The following WWOX variants were observed in gnomAD, a reference collection of about 807,000 sequenced individuals.
WWOX encodes the protein WW domain-containing oxidoreductase.
WWOX carries 69 observed loss-of-function variants against 46.2 expected under a neutral mutation model. The ratio of observed to expected loss-of-function variants is 1.49; its 90% CI spans 1.23 to 1.82. The LOEUF (loss-of-function observed/expected upper bound fraction) is 1.82. Among genes scored for constraint, WWOX ranks in the 40% most tolerant of loss-of-function variants. The pLI, the probability that WWOX is intolerant of heterozygous loss-of-function variation, is 0.00. For missense variants in WWOX, 919 were observed against 542.6 expected, an observed-to-expected ratio of 1.69 and a Z score of -6.89; for synonymous variants, 359 against 202.6, an observed-to-expected ratio of 1.77 and a Z score of -6.56.
chr16:78,851,962 C>T (rs1340751044), intron 8 of WWOX, among the ~76,000 whole-genome samples: 3 of 152,110 alleles, frequency 2.0e-5, no homozygotes, highest in African/African-American at 7.2e-5. Context: ...TACCTGTAAT[C>T]TTCATTCATT....
chr16:78,777,334 C>T (rs1014779030), intron 8 of WWOX, among the ~76,000 whole-genome samples: 4 of 152,300 alleles, frequency 2.6e-5, no homozygotes, highest in Admixed American at 2.6e-4. Flanking sequence ...TTGTCCAGGA[C>T]AGTGGCCCCA....
intron 8 of WWOX, among the ~76,000 whole-genome samples, chr16:78,434,621 C>CAT (rs1391683556): frequency 6.6e-6 from 1 of 152,184 alleles, no homozygotes; most frequent in African/African-American, 2.4e-5. Context: ...CTTGAGTCAT[C>CAT]TCACTTGTAT....
chr16:78,992,592 G>A (rs1567466604), intron 8 of WWOX, among the ~76,000 whole-genome samples: 1 of 152,186 alleles, frequency 6.6e-6, no homozygotes, highest in Non-Finnish European at 1.5e-5. Context: ...CTCTCAGAAT[G>A]AAAGGTTTGA....
intron 8 of WWOX, among the ~76,000 whole-genome samples, chr16:79,153,309 G>A (rs1269190138): frequency 6.6e-6 from 1 of 152,052 alleles, no homozygotes; most frequent in East Asian, 1.9e-4. Flanking sequence ...AATTTTTCTG[G>A]AGGGTCTAGA....
At chr16:78,943,139 G>A (rs977808179) in intron 8 of WWOX, among the ~76,000 whole-genome samples, 2 of 152,152 alleles carry the variant, frequency 1.3e-5, no homozygotes, top group African/African-American at 4.8e-5. Context: ...GCAACACATG[G>A]TGGGTTCTTA....
rs384216 is a variant in WWOX at position 79,211,568 on chromosome 16, T to C, written c.1057-40T>C. 886,189 of 1,613,032 alleles carry C rather than the reference T, an allele frequency of 0.55. 253,623 individuals carry two copies. The highest frequency in any genetic ancestry group is 0.6 in the Non-Finnish European group (708,519 of 1,179,486). On this transcript the variant is annotated intron_variant, in intron 8 of 8. Coordinates refer to ENST00000566780, the MANE Select transcript of WWOX (RefSeq NM_016373.4). ...AAATGACGCCATCTCATCACTCCTT[T>C]TCTTAAAATTTTTTTTTGTCTTTCT... is the stretch of plus-strand genomic sequence containing the variant.
intron 5 of WWOX, among the ~76,000 whole-genome samples, chr16:78,258,291 C>T (rs1295429649): frequency 6.6e-6 from 1 of 152,142 alleles, no homozygotes. Flanking sequence ...ATATTGTTTG[C>T]TCTCCGTTTG....
chr16:78,331,773 A>G (rs1380008420), intron 5 of WWOX, among the ~76,000 whole-genome samples: 1 of 152,218 alleles, frequency 6.6e-6, no homozygotes, highest in African/African-American at 2.4e-5. Context: ...TATTTTACGA[A>G]GTGCCAGTTG....
intron 8 of WWOX, among the ~76,000 whole-genome samples, chr16:78,954,031 C>T (rs1178155488): frequency 6.6e-6 from 1 of 152,226 alleles, no homozygotes; most frequent in Non-Finnish European, 1.5e-5. Context: ...GTTATTTCTC[C>T]TCTTCCATAG....
At chr16:79,055,753 C>A (rs529387046) in intron 8 of WWOX, among the ~76,000 whole-genome samples, 2 of 152,246 alleles carry the variant, frequency 1.3e-5, no homozygotes, top group Admixed American at 6.5e-5. Flanking sequence ...ATGGAATCAG[C>A]CTATTTTATG....
At chr16:78,834,629 G>A (rs1279194028) in intron 8 of WWOX, among the ~76,000 whole-genome samples, 1 of 152,096 alleles carries the variant, frequency 6.6e-6, no homozygotes, top group African/African-American at 2.4e-5. Flanking sequence ...ATGAAGACAG[G>A]GTTCCAGGAA....
intron 8 of WWOX, among the ~76,000 whole-genome samples, chr16:79,074,235 T>TA: frequency 6.6e-6 from 1 of 151,908 alleles, no homozygotes; most frequent in African/African-American, 2.4e-5. Flanking sequence ...TTCTATTTTT[T>TA]TAAAAAATAT....
chr16:78,441,305 C>T (rs11862902), intron 8 of WWOX, among the ~76,000 whole-genome samples: 49 of 152,146 alleles, frequency 3.2e-4, no homozygotes, highest in South Asian at 1.0e-3. Flanking sequence ...TGGTCCATAC[C>T]GTAAATGTTC....
At chr16:78,654,237 G>A (rs2142152429) in intron 8 of WWOX, among the ~76,000 whole-genome samples, 1 of 152,174 alleles carries the variant, frequency 6.6e-6, no homozygotes, top group Middle Eastern at 3.4e-3. Flanking sequence ...TGAAAACCCT[G>A]GTTTTCAGAT....
chr16:79,106,977 A>C (rs1360686263), intron 8 of WWOX, among the ~76,000 whole-genome samples: 2 of 151,540 alleles, frequency 1.3e-5, no homozygotes, highest in Non-Finnish European at 2.9e-5. Flanking sequence ...TGTCCCACGA[A>C]TTTTTGTATT....
At chr16:79,108,271 C>T (rs1448369708) in intron 8 of WWOX, among the ~76,000 whole-genome samples, 1 of 152,244 alleles carries the variant, frequency 6.6e-6, no homozygotes, top group Non-Finnish European at 1.5e-5. Context: ...GCAAAAGCAT[C>T]AGCGGGGTCC....
chr16:78,242,265 T>A (rs1259545792), intron 5 of WWOX, among the ~76,000 whole-genome samples: 1 of 152,230 alleles, frequency 6.6e-6, no homozygotes, highest in East Asian at 1.9e-4. Flanking sequence ...TGCAGCGTTT[T>A]TGAAAAGACA....
chr16:78,141,434 T>C (rs1181557106), intron 4 of WWOX, among the ~76,000 whole-genome samples: 4 of 149,914 alleles, frequency 2.7e-5, no homozygotes, highest in Admixed American at 6.6e-5. Flanking sequence ...CCCCTTCTTT[T>C]TTTTTTTTTT....
chr16:79,183,051 C>T (rs1393945017), intron 8 of WWOX, among the ~76,000 whole-genome samples: 1 of 152,224 alleles, frequency 6.6e-6, no homozygotes, highest in Non-Finnish European at 1.5e-5. Context: ...CTGCCGTCTT[C>T]CATGTTGGGG....
Sources: gnomAD v4.1 joint callset for allele counts (sites outside exome capture counted in the v4.1 genomes callset) on GRCh38, gnomAD v4.1.1 for gene constraint, MANE v1.5 for transcripts, NCBI Gene and HGNC (gene_info 2026-07-23, HGNC 2026-07-21) for gene names.